IGDCC3: variants seen among roughly 807,000 people sequenced by gnomAD.
The protein encoded by IGDCC3 is putative neuronal cell adhesion molecule.
In IGDCC3, 47 loss-of-function variants were observed where a neutral mutation model predicts 72.0. The ratio of observed to expected loss-of-function variants is 0.65; its 90% CI spans 0.52 to 0.83. IGDCC3 has a LOEUF of 0.83. Among genes scored for constraint, IGDCC3 ranks in the 40% least tolerant of loss-of-function variants. IGDCC3 has a pLI of 0.00. For missense variants in IGDCC3, 1,038 were observed against 1,091.3 expected (o/e 0.95, Z 0.69); for synonymous variants, 477 against 472.8 (o/e 1.01, Z -0.11).
intron 2 of IGDCC3, among the ~76,000 whole-genome samples, chr15:65,345,966 T>G (rs775824887): frequency 1.3e-5 from 2 of 152,154 alleles, no homozygotes; most frequent in African/African-American, 2.4e-5. Context: ...CATATTCAAA[T>G]GACCCTTAAA....
rs2090962126 is a variant in IGDCC3, at chr15:65,329,972, G to GCC, written c.1859-109_1859-108insGG. The GCC allele has an allele frequency of 4.1e-6, 5 of 1,223,100 alleles. No homozygotes were observed. The highest frequency in any genetic ancestry group is 3.0e-5 in the African/African-American group (2 of 66,496). The allele number at this position is 1,223,100 out of a possible 1,614,324, so 75.8% of individuals were successfully genotyped here. ...CTTCAGCTGCTCCCACTCCCAAGTG[G>GCC]GAGTGGGAACATCCTTTGACTTTGC... On this transcript the variant is annotated intron_variant, in intron 11 of 13. Coordinates refer to ENST00000327987, the MANE Select transcript of IGDCC3 (RefSeq NM_004884.4). This position sits in a 1 kb window ranked among gnomAD's most constrained non-coding sequence, Gnocchi z 4.1.
chr15:65,365,346 T>G (rs1006623585), intron 2 of IGDCC3, among the ~76,000 whole-genome samples: 1 of 152,060 alleles, frequency 6.6e-6, no homozygotes, highest in Non-Finnish European at 1.5e-5. Context: ...GGCCTCTTGA[T>G]AGTACCCCCA....
At chr15:65,330,450 G>A in intron 10 of IGDCC3, 53 bp from the exon 11 acceptor site, 2 of 1,569,554 alleles carry the variant, frequency 1.3e-6, no homozygotes, top group Non-Finnish European at 1.7e-6. Flanking sequence ...CACGTGCCCT[G>A]TCCTAGCCAG....
intron 2 of IGDCC3, among the ~76,000 whole-genome samples, chr15:65,348,394 G>A (rs958186462): frequency 6.6e-6 from 1 of 152,208 alleles, no homozygotes. Context: ...GGCAATCACA[G>A]AAGGATTATA....
At position 65,335,425 on chromosome 15, in the gene IGDCC3, T is replaced by C. The variant is rs1003442113; in HGVS notation, c.555-4A>G. On this transcript the variant is annotated splice_polypyrimidine_tract_variant and splice_region_variant and intron_variant, in intron 3 of 13. Transcript: ENST00000327987. Reference sequence around the variant, plus strand: ...CCCCTTGGGCAGCAATGTGTACCTGTTGAGGGGAGGGACATAGTTGGCCAC... The same window carrying C: ...CCCCTTGGGCAGCAATGTGTACCTGCTGAGGGGAGGGACATAGTTGGCCAC... 5 of 1,604,502 alleles carry C rather than the reference T, an allele frequency of 3.1e-6. No homozygotes were observed. The African/African-American group carries it at 5.4e-5, about 17-fold the overall frequency.
intron 2 of IGDCC3, chr15:65,355,993 C>T (rs1469494684): frequency 2.2e-5 from 6 of 273,954 alleles, no homozygotes; most frequent in South Asian, 5.2e-5. Flanking sequence ...TGGGCGGACA[C>T]GCGCGGCCCC....
chr15:65,329,427 G>A lies in IGDCC3; in HGVS notation c.2168C>T (p.Pro723Leu), dbSNP rs145360224. 4.8e-5 allele frequency: 77 copies of A among 1,601,514 alleles called. No homozygotes were observed. Among genetic ancestry groups the A allele is most frequent in the Middle Eastern group, 1.8e-4 (1 of 5,652 alleles). ...GTCCGGCTGCCCTGCTGCGCTGGCC[G>A]GGGGGAACAGCTGCTCCAGCTCCTT... ...DMKELEQLFP[P>L]ASAAGQPDPR... Residue 723 changes from proline (P) to leucine (L), a missense_variant, in exon 13 of 14, where the codon CCG becomes CTG. Pro to Leu is a moderately conservative substitution (Grantham distance 98, BLOSUM62 -3). Coordinates refer to ENST00000327987, the MANE Select transcript of IGDCC3 (RefSeq NM_004884.4). The surrounding 1 kb of genome is among the most constrained non-coding windows in gnomAD (Gnocchi z 4.1).
rs532888687 is a variant in IGDCC3 at position 65,331,402 on chromosome 15, C to G, written c.1396+10G>C. 2.5e-6 allele frequency: 4 copies of G among 1,593,730 alleles called. No homozygotes were observed. The African/African-American group carries it at 4.0e-5, about 16-fold the overall frequency. On this transcript the variant is annotated intron_variant, in intron 8 of 13. Transcript: ENST00000327987. Reference sequence around the variant, plus strand: ...TTAGAGGAAGGGGCAACAGAGCTGGCCACGCGCACCAGCAGCCTTCCTGAT... The same window carrying G: ...TTAGAGGAAGGGGCAACAGAGCTGGGCACGCGCACCAGCAGCCTTCCTGAT...
chr15:65,346,132 A>G (rs569299739), intron 2 of IGDCC3, among the ~76,000 whole-genome samples: 1 of 152,338 alleles, frequency 6.6e-6, no homozygotes, highest in African/African-American at 2.4e-5. Context: ...TTTTATAGGG[A>G]GTAATTAATG....
At position 65,358,606 on chromosome 15, in the gene IGDCC3, C is replaced by T. The variant is rs557542449; in HGVS notation, c.409+16491G>A. On this transcript the variant is annotated intron_variant, in intron 2 of 13. Coordinates refer to ENST00000327987, the MANE Select transcript of IGDCC3 (RefSeq NM_004884.4). ...TTTGAGAAATGGCACATTCAAAAAG[C>T]AAGAGGAGCCTCCGGGCCTAAATTA... Among the ~76,000 whole-genome samples the T allele has an allele frequency of 2.0e-5, 3 of 152,260 alleles. No homozygotes were observed. In the South Asian group the frequency reaches 6.2e-4, roughly 32 times the overall value.
chr15:65,334,340 G>C (rs1411018370), intron 5 of IGDCC3, among the ~76,000 whole-genome samples: 2 of 152,242 alleles, frequency 1.3e-5, no homozygotes, highest in South Asian at 4.2e-4. Flanking sequence ...GATTTTTAGG[G>C]ACTTGGGACT....
chr15:65,346,854 C>A (rs757220726), intron 2 of IGDCC3, among the ~76,000 whole-genome samples: 1 of 152,158 alleles, frequency 6.6e-6, no homozygotes, highest in African/African-American at 2.4e-5. Flanking sequence ...TAGGGAAATG[C>A]GAGTTGGACA....
rs2091202553 is a variant in IGDCC3, at chr15:65,354,833, G to GA, written c.410-18878dup. On this transcript the variant is annotated intron_variant, in intron 2 of 13. Transcript: ENST00000327987. ...CTTCTTCAGTGAAAAGGAAGAAGGT[G>GA]AATTAGGCTAGGCCCCTGGCTCTCA... 3.9e-5 allele frequency among the ~76,000 whole-genome samples: 6 copies of GA among 152,298 alleles called. No homozygotes were observed. In the South Asian group the frequency reaches 1.2e-3, roughly 32 times the overall value.
Position 65,331,573 on chromosome 15 carries a change from C to T in IGDCC3, c.1235G>A (p.Ser412Asn). Residue 412 changes from serine (S) to asparagine (N), a missense_variant, in exon 8 of 14, where the codon AGT becomes AAT. Coordinates refer to ENST00000327987, the MANE Select transcript of IGDCC3 (RefSeq NM_004884.4). Reference protein sequence around the residue: ...AENSAGSSQASARLTVLWAEG... With the variant: ...AENSAGSSQANARLTVLWAEG... ...AGCCCACAGTACGGTCAGCCTGGCA[C>T]TGGCCTGTGATGAGCCCGCACTGTT... 6.2e-7 allele frequency: 1 copy of T among 1,613,752 alleles called. No homozygotes were observed. Among genetic ancestry groups the T allele is most frequent in the Non-Finnish European group, 8.5e-7 (1 of 1,179,894 alleles).
chr15:65,343,826 CTA>C (rs1291533042), intron 2 of IGDCC3, among the ~76,000 whole-genome samples: 1 of 152,166 alleles, frequency 6.6e-6, no homozygotes, highest in Non-Finnish European at 1.5e-5. Context: ...CTCTAAAAGT[CTA>C]TGAGGAGAAA....
At chr15:65,375,965 T>A (rs1317646570) in intron 1 of IGDCC3, among the ~76,000 whole-genome samples, 1 of 152,158 alleles carries the variant, frequency 6.6e-6, no homozygotes, top group Non-Finnish European at 1.5e-5. Context: ...TCTAAAGAAA[T>A]ACAGAGGGAG....
At chr15:65,373,288 C>T (rs1261704698) in intron 2 of IGDCC3, among the ~76,000 whole-genome samples, 1 of 152,162 alleles carries the variant, frequency 6.6e-6, no homozygotes, top group African/African-American at 2.4e-5. Context: ...CCGGGGTCCC[C>T]ACCCTCTGTC....
chr15:65,331,158 CCAGGTGCTGA>C lies in IGDCC3; in HGVS notation c.1443_1452del (p.Phe481LeufsTer31), dbSNP rs751192856. 4 of 1,614,048 alleles carry C rather than the reference CCAGGTGCTGA, an allele frequency of 2.5e-6. No homozygotes were observed. The highest frequency in any genetic ancestry group is 2.5e-6 in the Non-Finnish European group (3 of 1,180,004). On this transcript the variant is annotated frameshift_variant, in exon 9 of 14. Transcript: ENST00000327987. LOFTEE classifies it high-confidence loss of function. ...GCTGTGGAGGGCTCCAGGTCGCTGA[CCAGGTGCTGA>C]AAGGTGCTCTTGCTGACTGCCTCCT...
chr15:65,334,614 C>T, intron 5 of IGDCC3, 114 bp downstream of exon 5: 23 of 1,001,846 alleles, frequency 2.3e-5, no homozygotes, highest in Non-Finnish European at 3.2e-5. Flanking sequence ...TGGACCCCCA[C>T]AGAGAACAAA....
Sources: gnomAD v4.1 joint callset for allele counts (sites outside exome capture counted in the v4.1 genomes callset) on GRCh38, gnomAD v4.1.1 for gene constraint, Gnocchi (gnomAD v3.1) non-coding constraint, MANE v1.5 for transcripts, NCBI Gene and HGNC (gene_info 2026-07-23, HGNC 2026-07-21) for gene names.